The following UPP2 variants were observed in gnomAD, a reference collection of about 807,000 sequenced individuals.
The protein encoded by UPP2 is uridine phosphorylase 2, also known as UPase 2.
In UPP2, 23 loss-of-function variants were observed where a neutral mutation model predicts 26.7. The ratio of observed to expected loss-of-function variants is 0.86; its 90% confidence interval spans 0.62 to 1.22. The LOEUF (loss-of-function observed/expected upper bound fraction) is 1.22, where lower values mean the gene tolerates loss of function less well. Among genes scored for constraint, UPP2 ranks in the 50% most tolerant of loss-of-function variants. The pLI, the probability that UPP2 is intolerant of heterozygous loss-of-function variation, is 0.00. For synonymous variants in UPP2, 127 were observed against 141.3 expected, an observed-to-expected ratio of 0.90 and a Z score of 0.72; for missense variants, 387 against 396.7, an observed-to-expected ratio of 0.98 and a Z score of 0.21.
chr2:158,081,563 A>T (rs1465419810), intron 3 of UPP2, among the ~76,000 whole-genome samples: 1 of 152,186 alleles, frequency 6.6e-6, no homozygotes, highest in Non-Finnish European at 1.5e-5. Flanking sequence ...TTTGGAAGCA[A>T]TCTAAGTGTC....
At chr2:158,107,920 A>G (rs1683229778) in intron 2 of UPP2, among the ~76,000 whole-genome samples, 1 of 152,058 alleles carries the variant, frequency 6.6e-6, no homozygotes, top group Admixed American at 6.6e-5. Flanking sequence ...TGGTTTACTT[A>G]TGCTCCAAGA....
At chr2:158,108,096 G>A (rs922629469) in intron 2 of UPP2, among the ~76,000 whole-genome samples, 2 of 152,180 alleles carry the variant, frequency 1.3e-5, no homozygotes, top group Non-Finnish European at 2.9e-5. Context: ...GCACACAGCT[G>A]GTTAATACAT....
At chr2:158,048,316 G>A (rs989671510) in intron 3 of UPP2, among the ~76,000 whole-genome samples, 12 of 152,262 alleles carry the variant, frequency 7.9e-5, no homozygotes, top group Non-Finnish European at 8.8e-5. Flanking sequence ...GAAAACAAAA[G>A]AAACTGAGGG....
At chr2:158,042,705 A>T (rs1480533830) in intron 3 of UPP2, among the ~76,000 whole-genome samples, 1 of 152,200 alleles carries the variant, frequency 6.6e-6, no homozygotes, top group Non-Finnish European at 1.5e-5. Context: ...TTATAGGAAG[A>T]GAGAGGAAGG....
intron 3 of UPP2, among the ~76,000 whole-genome samples, chr2:158,096,548 G>A (rs763587007): frequency 6.6e-6 from 1 of 152,144 alleles, no homozygotes; most frequent in Non-Finnish European, 1.5e-5. Context: ...GCGGTGAACT[G>A]AGATTGCACC....
chr2:158,049,742 A>G (rs1682118111), intron 3 of UPP2, among the ~76,000 whole-genome samples: 1 of 152,238 alleles, frequency 6.6e-6, no homozygotes, highest in African/African-American at 2.4e-5. Flanking sequence ...TCTGTAGTAG[A>G]ACAGTCTGTC....
chr2:158,096,122 C>A (rs1284273048), intron 3 of UPP2, among the ~76,000 whole-genome samples: 1 of 152,080 alleles, frequency 6.6e-6, no homozygotes, highest in East Asian at 1.9e-4. Flanking sequence ...GACTCTGAGG[C>A]TCTGGTGTTG....
At chr2:158,129,788 C>T (rs1222731622) in intron 6 of UPP2, among the ~76,000 whole-genome samples, 2 of 147,320 alleles carry the variant, frequency 1.4e-5, no homozygotes, top group African/African-American at 2.5e-5. Flanking sequence ...TTTTTTGAGA[C>T]AAGGTCTCTG....
intron 6 of UPP2, 148 bp from the exon 7 acceptor site, chr2:158,134,600 A>C: frequency 4.4e-6 from 4 of 907,228 alleles, no homozygotes; most frequent in Non-Finnish European, 6.0e-6. Flanking sequence ...TGAAGACCAG[A>C]AGGTTCAGTA....
intron 2 of UPP2, among the ~76,000 whole-genome samples, chr2:158,109,964 G>A (rs947682771): frequency 6.6e-5 from 10 of 152,298 alleles, no homozygotes; most frequent in Admixed American, 1.3e-4. Context: ...GTAGAGTGCT[G>A]AGAGGAAATT....
intron 3 of UPP2, among the ~76,000 whole-genome samples, chr2:158,043,946 C>T (rs1213368530): frequency 6.6e-6 from 1 of 152,214 alleles, no homozygotes; most frequent in Non-Finnish European, 1.5e-5. Context: ...CCAGTATGTA[C>T]ATCATTGTGC....
At chr2:158,070,207 C>T (rs1682516386) in intron 3 of UPP2, among the ~76,000 whole-genome samples, 1 of 152,094 alleles carries the variant, frequency 6.6e-6, no homozygotes, top group Non-Finnish European at 1.5e-5. Flanking sequence ...TTAAACTTTC[C>T]CTTGTCCAAA....
chr2:158,101,678 T>C (rs1251652004), upstream of UPP2, among the ~76,000 whole-genome samples: 1 of 152,202 alleles, frequency 6.6e-6, no homozygotes, highest in East Asian at 1.9e-4. Flanking sequence ...CAAATAAGCC[T>C]GTTTGCAACA....
chr2:158,041,343 AT>A (rs1684079245), intron 3 of UPP2, among the ~76,000 whole-genome samples: 1 of 152,174 alleles, frequency 6.6e-6, no homozygotes, highest in South Asian at 2.1e-4. Context: ...TTAAATGTTG[AT>A]TTTTTGGCTT....
At chr2:158,032,325 A>T (rs553811630) in intron 3 of UPP2, among the ~76,000 whole-genome samples, 8 of 152,242 alleles carry the variant, frequency 5.3e-5, no homozygotes, top group African/African-American at 1.9e-4. Context: ...TCTTTCAGGG[A>T]TGCCATGTAG....
At chr2:158,085,754 G>A (rs1163033530) in intron 3 of UPP2, among the ~76,000 whole-genome samples, 1 of 152,086 alleles carries the variant, frequency 6.6e-6, no homozygotes, top group Non-Finnish European at 1.5e-5. Context: ...CATCTATTGA[G>A]ATGATCATGT....
upstream of UPP2, among the ~76,000 whole-genome samples, chr2:158,099,409 T>C (rs1393699587): frequency 6.6e-6 from 1 of 152,042 alleles, no homozygotes; most frequent in East Asian, 1.9e-4. Context: ...GGTTACCCCA[T>C]CCCCACTCTG....
chr2:158,017,140 CACA>C (rs1305923675), intron 3 of UPP2, among the ~76,000 whole-genome samples: 1 of 152,070 alleles, frequency 6.6e-6, no homozygotes, highest in East Asian at 1.9e-4. Flanking sequence ...AAATATAGTG[CACA>C]ACATTAGTTG....
intron 2 of UPP2, among the ~76,000 whole-genome samples, 192 bp downstream of exon 2, chr2:158,106,408 G>A (rs1475291137): frequency 6.6e-6 from 1 of 152,064 alleles, no homozygotes; most frequent in Non-Finnish European, 1.5e-5. Context: ...AGACATAAAG[G>A]TTCCCAAACT....
Sources: gnomAD v4.1 joint callset for allele counts (sites outside exome capture counted in the v4.1 genomes callset) on GRCh38, gnomAD v4.1.1 for gene constraint, MANE v1.5 for transcripts, NCBI Gene and HGNC (gene_info 2026-07-23, HGNC 2026-07-21) for gene names.